CACNA1E: variants seen among roughly 807,000 people sequenced by gnomAD.
CACNA1E encodes the protein voltage-dependent R-type calcium channel subunit alpha-1E.
Under a neutral mutation model 259.2 loss-of-function variants are expected in CACNA1E, and 40 were observed. The ratio of observed to expected loss-of-function variants is 0.15; its 90% CI spans 0.12 to 0.20. CACNA1E has a LOEUF of 0.20. Ranked by LOEUF, CACNA1E falls within the 10% of genes least tolerant of loss-of-function variation. CACNA1E has a pLI of 1.00. For synonymous variants in CACNA1E, 1,104 were observed against 1,138.5 expected, an observed-to-expected ratio of 0.97 and a Z score of 0.61; for missense variants, 1,874 against 3,040.1, an observed-to-expected ratio of 0.62 and a Z score of 9.02.
chr1:181,344,673 C>T (rs980775567), intron 1 of CACNA1E, among the ~76,000 whole-genome samples: 1 of 152,180 alleles, frequency 6.6e-6, no homozygotes, highest in Non-Finnish European at 1.5e-5. Flanking sequence ...ATCATCCCTG[C>T]CTAACAGCCC....
chr1:181,605,368 A>G (rs1007302436), intron 6 of CACNA1E, among the ~76,000 whole-genome samples: 11 of 152,182 alleles, frequency 7.2e-5, no homozygotes, highest in South Asian at 4.1e-4. Flanking sequence ...GCCTATGTGC[A>G]TTGTCTTCCA....
chr1:181,649,480 C>T (rs1411053364), intron 6 of CACNA1E, among the ~76,000 whole-genome samples: 1 of 152,012 alleles, frequency 6.6e-6, no homozygotes, highest in African/African-American at 2.4e-5. Flanking sequence ...GCATTCAACC[C>T]AGCAATCCCA....
At chr1:181,657,204 T>G (rs1659278212) in intron 7 of CACNA1E, among the ~76,000 whole-genome samples, 1 of 152,190 alleles carries the variant, frequency 6.6e-6, no homozygotes, top group South Asian at 2.1e-4. Context: ...TTTATGTTGC[T>G]GATGCCGAAT....
rs114358776 is a variant in CACNA1E, at chr1:181,425,902, A to C, written c.434+12322A>C. Among the ~76,000 whole-genome samples, 330 of 152,214 alleles carry C rather than the reference A, an allele frequency of 2.2e-3. 2 individuals are homozygous for C. Among genetic ancestry groups the C allele is most frequent in the African/African-American group, 7.7e-3 (320 of 41,502 alleles). On this transcript the variant is annotated intron_variant, in intron 2 of 11. Transcript: ENST00000524607. Reference sequence around the variant, plus strand: ...CCGCCTCTCCTGGGGACCTCCTTGCAGACCCTCTGCAGCTGTGCTCACATC... The same window carrying C: ...CCGCCTCTCCTGGGGACCTCCTTGCCGACCCTCTGCAGCTGTGCTCACATC...
At chr1:181,626,187 A>T (rs542718348) in intron 6 of CACNA1E, among the ~76,000 whole-genome samples, 1 of 152,354 alleles carries the variant, frequency 6.6e-6, no homozygotes, top group Non-Finnish European at 1.5e-5. Context: ...ATTTTGAAAT[A>T]TTGCAAGAAT....
At chr1:181,348,672 T>C (rs1652803049) in intron 1 of CACNA1E, among the ~76,000 whole-genome samples, 1 of 152,206 alleles carries the variant, frequency 6.6e-6, no homozygotes, top group East Asian at 1.9e-4. Flanking sequence ...TTCTAGGAGA[T>C]CCAAGCCAGA....
intron 7 of CACNA1E, among the ~76,000 whole-genome samples, chr1:181,677,139 G>A (rs1454315423): frequency 6.6e-6 from 1 of 152,050 alleles, no homozygotes; most frequent in Non-Finnish European, 1.5e-5. Flanking sequence ...GGCTTCTGTG[G>A]TTGTTCCTAT....
At chr1:181,364,802 G>A (rs763145099) in intron 1 of CACNA1E, among the ~76,000 whole-genome samples, 3 of 152,154 alleles carry the variant, frequency 2.0e-5, no homozygotes, top group Non-Finnish European at 2.9e-5. Context: ...GGAGAAAGTA[G>A]TTGCTTTGGA....
upstream of CACNA1E, among the ~76,000 whole-genome samples, chr1:181,479,088 A>G (rs1046676965): frequency 2.0e-5 from 3 of 152,216 alleles, no homozygotes; most frequent in Admixed American, 2.0e-4. Flanking sequence ...TTTGCAGGTC[A>G]TTGCTTTCAG....
At chr1:181,424,784 C>CT (rs1659035653) in intron 2 of CACNA1E, among the ~76,000 whole-genome samples, 1 of 152,158 alleles carries the variant, frequency 6.6e-6, no homozygotes, top group African/African-American at 2.4e-5. Context: ...GGGGAGGACT[C>CT]TCCCCCAAGA....
chr1:181,798,556 G>C lies in CACNA1E; in HGVS notation c.6664G>C (p.Ala2222Pro), dbSNP rs369634310. 1.9e-6 allele frequency: 3 copies of C among 1,613,764 alleles called. No individual in the cohort carries two copies. The highest frequency in any genetic ancestry group is 2.5e-6 in the Non-Finnish European group (3 of 1,179,896). Residue 2222 changes from alanine (A) to proline (P), a missense_variant, in exon 48 of 48, where the codon GCC (alanine) becomes CCC (proline). By Grantham distance (27) the Ala-to-Pro change is conservative. Coordinates refer to ENST00000367573, the MANE Select transcript of CACNA1E (RefSeq NM_001205293.3). The surrounding 1 kb of genome is among the most constrained non-coding windows in gnomAD (Gnocchi z 4.2). ...TCCGCACCCCCAGCAGAGCCAACATGCCTCCCCACAGCGCTACATCTCCGA... is the reference window on the plus strand; with the variant it reads ...TCCGCACCCCCAGCAGAGCCAACATCCCTCCCCACAGCGCTACATCTCCGA... ...NSPHPQQSQH[A>P]SPQRYISEPY...
At chr1:181,600,172 G>A (rs1042262141) in intron 6 of CACNA1E, among the ~76,000 whole-genome samples, 2 of 152,176 alleles carry the variant, frequency 1.3e-5, no homozygotes, top group African/African-American at 4.8e-5. Flanking sequence ...CAGATGGAGA[G>A]CCAGCAAGTG....
At chr1:181,334,137 TC>T (rs908021763) in intron 1 of CACNA1E, among the ~76,000 whole-genome samples, 1 of 152,204 alleles carries the variant, frequency 6.6e-6, no homozygotes, top group African/African-American at 2.4e-5. Context: ...CAGTCAACTC[TC>T]AGTTTTCATC....
intron 1 of CACNA1E, among the ~76,000 whole-genome samples, chr1:181,349,370 G>A (rs1368060518): frequency 6.6e-6 from 1 of 152,238 alleles, no homozygotes; most frequent in Non-Finnish European, 1.5e-5. Context: ...GAAGCCTCGG[G>A]GAGCCCCAGT....
chr1:181,558,317 C>G (rs1648955129), intron 3 of CACNA1E, among the ~76,000 whole-genome samples: 1 of 152,196 alleles, frequency 6.6e-6, no homozygotes, highest in Non-Finnish European at 1.5e-5. Flanking sequence ...TTTATCAGTT[C>G]ACCCTTTCCT....
At chr1:181,638,126 T>A (rs1307435556) in intron 6 of CACNA1E, among the ~76,000 whole-genome samples, 2 of 152,116 alleles carry the variant, frequency 1.3e-5, no homozygotes, top group African/African-American at 4.8e-5. Context: ...CTCTGAAGAA[T>A]GAAACCAGCT....
intron 2 of CACNA1E, among the ~76,000 whole-genome samples, chr1:181,425,534 C>G (rs571075098): frequency 8.6e-6 from 1 of 116,428 alleles, no homozygotes; most frequent in South Asian, 3.5e-4. Context: ...CCCCCGCTCC[C>G]CCCCCCGACC....
At chr1:181,353,432 C>T (rs1049674256) in intron 1 of CACNA1E, among the ~76,000 whole-genome samples, 1 of 152,172 alleles carries the variant, frequency 6.6e-6, no homozygotes, top group Non-Finnish European at 1.5e-5. Context: ...TGGAGGAAGT[C>T]ATATCTGCTC....
chr1:181,575,140 TG>T (rs1403475016), intron 3 of CACNA1E, among the ~76,000 whole-genome samples: 7 of 152,146 alleles, frequency 4.6e-5, no homozygotes, highest in Non-Finnish European at 1.0e-4. Context: ...AAGCTGCCAG[TG>T]GCCAATGTGC....
Sources: allele counts gnomAD v4.1 joint callset (sites outside exome capture counted in the v4.1 genomes callset), GRCh38; gene constraint gnomAD v4.1.1; non-coding constraint Gnocchi (gnomAD v3.1); transcripts MANE v1.5; gene names NCBI Gene and HGNC (gene_info 2026-07-23, HGNC 2026-07-21).